RNF38: variants seen among roughly 807,000 people sequenced by gnomAD.
RNF38 encodes ring finger protein 38.
RNF38 carries 15 observed loss-of-function variants against 67.2 expected under a neutral mutation model. The ratio of observed to expected loss-of-function variants is 0.22; its 90% CI spans 0.15 to 0.34. RNF38 has a LOEUF of 0.34. Among genes scored for constraint, RNF38 ranks in the 10% least tolerant of loss-of-function variants. The pLI, the probability that RNF38 is intolerant of heterozygous loss-of-function variation, is 1.00. For synonymous variants in RNF38, 220 were observed against 218.8 expected, an observed-to-expected ratio of 1.01 and a Z score of -0.05; for missense variants, 524 against 639.9, an observed-to-expected ratio of 0.82 and a Z score of 1.95.
chr9:36,409,054 G>A (rs1286113031), intron 2 of RNF38, among the ~76,000 whole-genome samples: 2 of 152,142 alleles, frequency 1.3e-5, no homozygotes, highest in Non-Finnish European at 2.9e-5. Flanking sequence ...GAGTGTGGTG[G>A]TGAATGCTGG....
In RNF38 at chr9:36,476,009, C is replaced by CA. The variant is rs139323204; in HGVS notation, n.241+11298dup. On this transcript the variant is annotated intron_variant and non_coding_transcript_variant, in intron 1 of 3. Transcript: ENST00000488058. Reference sequence around the variant, plus strand: ...GGGTGACAGAGCGGGACTCTGTTTCCAAAAAAAAAAAAAAAAAGAAAGAAA... The same window carrying CA: ...GGGTGACAGAGCGGGACTCTGTTTCCAAAAAAAAAAAAAAAAAAGAAAGAAA... Among the ~76,000 whole-genome samples the CA allele has an allele frequency of 1.2e-3, 129 of 109,372 alleles. 1 individual carries two copies. Among genetic ancestry groups the CA allele is most frequent in the East Asian group, 2.6e-3 (10 of 3,788 alleles). The allele number at this position is 109,372 out of a possible 152,430, so 71.8% of individuals were successfully genotyped here.
At chr9:36,446,533 G>A (rs1839304279) in intron 1 of RNF38, among the ~76,000 whole-genome samples, 1 of 152,126 alleles carries the variant, frequency 6.6e-6, no homozygotes, top group South Asian at 2.1e-4. Context: ...CGGCCCAGGC[G>A]CAGTGGCTCA....
chr9:36,350,513 C>T (rs1025291560), intron 9 of RNF38, among the ~76,000 whole-genome samples: 3 of 152,244 alleles, frequency 2.0e-5, no homozygotes, highest in Admixed American at 2.0e-4. Flanking sequence ...CACAGACCAT[C>T]TGTTGATTCT....
chr9:36,452,023 C>T (rs1483463632), intron 1 of RNF38, among the ~76,000 whole-genome samples: 1 of 151,904 alleles, frequency 6.6e-6, no homozygotes, highest in African/African-American at 2.4e-5. Flanking sequence ...TCAAGAATAG[C>T]CTGGGCCACA....
Position 36,390,503 on chromosome 9 carries a change from G to A in RNF38, c.126C>T (p.Thr42=), listed in dbSNP as rs763135912. Residue 42 remains threonine, a synonymous_variant, in exon 2 of 12, where the codon ACC becomes ACT. Transcript: ENST00000259605. ...CTTTGAAGTGAGCATCCTCTTGAAC[G>A]GTAGTGTTCTGATCACTTGGGAGGA... ...FPLLPSDQNT[T]VQEDAHFKAF... 42 of 1,613,740 alleles carry A rather than the reference G, an allele frequency of 2.6e-5. No individual in the cohort carries two copies. The highest frequency in any genetic ancestry group is 3.3e-5 in the Non-Finnish European group (39 of 1,179,906).
chr9:36,473,405 T>C (rs1840043089), intron 1 of RNF38, among the ~76,000 whole-genome samples: 1 of 151,806 alleles, frequency 6.6e-6, no homozygotes, highest in South Asian at 2.1e-4. Flanking sequence ...CTGGCTAACA[T>C]GGTAAAATCT....
intron 11 of RNF38, among the ~76,000 whole-genome samples, chr9:36,341,412 C>T (rs1832815969): frequency 6.6e-6 from 1 of 151,916 alleles, no homozygotes; most frequent in South Asian, 2.1e-4. Flanking sequence ...TTATCCAAAC[C>T]GGAACACTTA....
intron 3 of RNF38, among the ~76,000 whole-genome samples, chr9:36,374,461 T>C (rs769834679): frequency 3.9e-5 from 6 of 152,204 alleles, no homozygotes; most frequent in Admixed American, 1.3e-4. Flanking sequence ...TCTCCTCATA[T>C]GGTGGAGGAT....
chr9:36,478,656 A>C (rs1474666440), intron 1 of RNF38, among the ~76,000 whole-genome samples: 1 of 151,554 alleles, frequency 6.6e-6, no homozygotes, highest in African/African-American at 2.4e-5. Flanking sequence ...CGTCGCTACT[A>C]AAAATACAAA....
At chr9:36,383,547 G>A (rs1263453889) in intron 2 of RNF38, among the ~76,000 whole-genome samples, 3 of 152,126 alleles carry the variant, frequency 2.0e-5, no homozygotes, top group African/African-American at 7.2e-5. Context: ...TGAACATGCT[G>A]CCCTTGAACT....
At chr9:36,363,086 T>C (rs1217180284) in intron 4 of RNF38, among the ~76,000 whole-genome samples, 2 of 99,266 alleles carry the variant, frequency 2.0e-5, no homozygotes, top group Non-Finnish European at 5.2e-5. Flanking sequence ...CATCCATCCA[T>C]CCTTATCTAC....
chr9:36,468,204 T>C (rs189058193), intron 1 of RNF38, among the ~76,000 whole-genome samples: 5 of 148,434 alleles, frequency 3.4e-5, no homozygotes, highest in Admixed American at 2.7e-4. Flanking sequence ...ATCGCACCAC[T>C]GTACTCCAGC....
intron 1 of RNF38, among the ~76,000 whole-genome samples, chr9:36,428,454 C>CAT (rs10588812): frequency 0.05 from 7,360 of 146,016 alleles, 344 homozygotes; most frequent in African/African-American, 0.13. Flanking sequence ...CTATTGTTTA[C>CAT]ATATATATAT....
At chr9:36,416,418 G>A (rs898317718) in intron 2 of RNF38, among the ~76,000 whole-genome samples, 3 of 152,202 alleles carry the variant, frequency 2.0e-5, no homozygotes, top group South Asian at 2.1e-4. Context: ...GGCAGCCTTA[G>A]AGCAAGGCTG....
chr9:36,449,490 C>A (rs1270587748), intron 1 of RNF38, among the ~76,000 whole-genome samples: 1 of 151,968 alleles, frequency 6.6e-6, no homozygotes, highest in African/African-American at 2.4e-5. Context: ...GGCTGGAGTG[C>A]AGTGGCGCGA....
At chr9:36,369,031 G>A (rs913167226) in intron 4 of RNF38, among the ~76,000 whole-genome samples, 1 of 152,004 alleles carries the variant, frequency 6.6e-6, no homozygotes, top group African/African-American at 2.4e-5. Flanking sequence ...AAACATTGTA[G>A]GCTTGTACCT....
At position 36,363,902 on chromosome 9, in the gene RNF38, A is replaced by T. The variant is rs1834744292; in HGVS notation, c.570+5817T>A. Among the ~76,000 whole-genome samples, 2 of 83,634 alleles carry T rather than the reference A, an allele frequency of 2.4e-5. 1 individual carries two copies. Among genetic ancestry groups the T allele is most frequent in the African/African-American group, 7.2e-5 (2 of 27,722 alleles). The allele number at this position is 83,634 out of a possible 152,430, so 54.9% of individuals were successfully genotyped here. A position where few individuals can be genotyped will look rare whatever the true frequency, so the allele number is the denominator to read the frequency against. ...TTTTTTTTTTTTTTTTGGAGGTGCAATCTCGCTCACTGCCACCACCTCCTG... is the reference window on the plus strand; with the variant it reads ...TTTTTTTTTTTTTTTTGGAGGTGCATTCTCGCTCACTGCCACCACCTCCTG... On this transcript the variant is annotated intron_variant, in intron 4 of 11. Transcript: ENST00000259605.
At chr9:36,460,731 T>C (rs1376115602) in intron 1 of RNF38, among the ~76,000 whole-genome samples, 1 of 146,624 alleles carries the variant, frequency 6.8e-6, no homozygotes, top group Non-Finnish European at 1.5e-5. Flanking sequence ...CTACTAAAAA[T>C]ACAAAATTAG....
At position 36,474,410 on chromosome 9, in the gene RNF38, A is replaced by G. The variant is rs141840643; in HGVS notation, n.241+12898T>C. Among the ~76,000 whole-genome samples the G allele has an allele frequency of 6.8e-4, 102 of 149,114 alleles. 12 individuals are homozygous for G. Among genetic ancestry groups the G allele is most frequent in the African/African-American group, 2.2e-3 (89 of 40,420 alleles). ...AAACAAAAGACTGCAAATTCTCTTC[A>G]TCAGCTAAAATAGTGATCAACTTTG... On this transcript the variant is annotated intron_variant and non_coding_transcript_variant, in intron 1 of 3. Coordinates refer to the RNF38 transcript ENST00000488058.
Sources: allele counts gnomAD v4.1 joint callset (sites outside exome capture counted in the v4.1 genomes callset), GRCh38; gene constraint gnomAD v4.1.1; transcripts MANE v1.5; gene names NCBI Gene and HGNC (gene_info 2026-07-23, HGNC 2026-07-21).